SAMD12: variants seen among roughly 807,000 people sequenced by gnomAD.
SAMD12 encodes sterile alpha motif domain-containing protein 12.
SAMD12 carries 9 observed loss-of-function variants against 15.0 expected under a neutral mutation model. The observed-to-expected ratio is 0.60, with a 90% CI of 0.36 to 1.05. The LOEUF (loss-of-function observed/expected upper bound fraction) is 1.05, where lower values mean the gene tolerates loss of function less well. Ranked by LOEUF, SAMD12 falls within the 50% of genes least tolerant of loss-of-function variation. The pLI is 0.01. For synonymous variants in SAMD12, 86 were observed against 90.1 expected, an observed-to-expected ratio of 0.96 and a Z score of 0.25; for missense variants, 230 against 234.2, an observed-to-expected ratio of 0.98 and a Z score of 0.12.
the SAMD12 span, among the ~76,000 whole-genome samples, chr8:118,148,449 T>C: frequency 6.6e-6 from 1 of 152,222 alleles, no homozygotes; most frequent in Non-Finnish European, 1.5e-5. Context: ...TTAACAAATA[T>C]ATATGTTATG....
At chr8:118,367,124 A>G (rs535401872) in intron 4 of SAMD12, among the ~76,000 whole-genome samples, 1 of 151,966 alleles carries the variant, frequency 6.6e-6, no homozygotes, top group Non-Finnish European at 1.5e-5. Flanking sequence ...TTGAACATCT[A>G]CACTGTACAG....
chr8:118,133,678 A>G, the SAMD12 span, among the ~76,000 whole-genome samples: 359 of 152,318 alleles, frequency 2.4e-3, no homozygotes, highest in Admixed American at 3.7e-3. Flanking sequence ...CATGTCAGGT[A>G]GAAGAACTGA....
At chr8:118,209,910 C>A (rs1305734535) in intron 4 of SAMD12, among the ~76,000 whole-genome samples, 2 of 152,140 alleles carry the variant, frequency 1.3e-5, no homozygotes, top group East Asian at 1.9e-4. Flanking sequence ...GAGCCAAGAC[C>A]CCCCTACCTT....
At chr8:118,572,500 G>A (rs1157418146) in intron 2 of SAMD12, among the ~76,000 whole-genome samples, 2 of 152,146 alleles carry the variant, frequency 1.3e-5, no homozygotes, top group African/African-American at 2.4e-5. Flanking sequence ...ATTCCCATGT[G>A]TTGCAGGAGG....
chr8:118,236,265 G>A (rs746044612), intron 4 of SAMD12, among the ~76,000 whole-genome samples: 7 of 152,170 alleles, frequency 4.6e-5, no homozygotes, highest in Non-Finnish European at 7.3e-5. Flanking sequence ...TGAAGACTGA[G>A]GAAGTCAGCA....
rs760916006 is a variant in SAMD12, at chr8:118,379,280, T to C, written c.*137A>G. The C allele has an allele frequency of 1.8e-4, 257 of 1,445,792 alleles. No homozygotes were observed. The highest frequency in any genetic ancestry group is 2.3e-4 in the Non-Finnish European group (250 of 1,103,580). 89.6% of individuals were successfully genotyped at this position (1,445,792 alleles called of 1,614,324 possible). ...TGATGTGACTGGTATTCTCTGGGGT[T>C]GTGCAGTACACAATCCATACAACTG... On this transcript the variant is annotated 3_prime_UTR_variant, in exon 4 of 4. Coordinates refer to ENST00000314727, the MANE Select transcript of SAMD12 (RefSeq NM_207506.3).
At chr8:118,440,687 C>A (rs929331024) in intron 2 of SAMD12, among the ~76,000 whole-genome samples, 5 of 143,784 alleles carry the variant, frequency 3.5e-5, no homozygotes, top group Admixed American at 2.7e-4. Context: ...CACACACACA[C>A]ACACACACAA....
intron 4 of SAMD12, among the ~76,000 whole-genome samples, chr8:118,238,139 T>C (rs1232062242): frequency 1.3e-5 from 2 of 152,130 alleles, no homozygotes; most frequent in Admixed American, 6.6e-5. Flanking sequence ...TAAGCTTCTG[T>C]TTCCTCATCT....
At chr8:118,257,365 C>A (rs1812971409) in intron 4 of SAMD12, among the ~76,000 whole-genome samples, 1 of 152,092 alleles carries the variant, frequency 6.6e-6, no homozygotes, top group African/African-American at 2.4e-5. Flanking sequence ...GCTGAGACGG[C>A]AGAATCCAAG....
chr8:118,291,502 TC>T (rs773452791), intron 4 of SAMD12, among the ~76,000 whole-genome samples: 2 of 152,052 alleles, frequency 1.3e-5, no homozygotes, highest in African/African-American at 4.8e-5. Flanking sequence ...AACACAGAAT[TC>T]CCCTTATGGT....
chr8:118,537,289 C>G (rs568779241), intron 2 of SAMD12, among the ~76,000 whole-genome samples: 1 of 151,960 alleles, frequency 6.6e-6, no homozygotes, highest in Non-Finnish European at 1.5e-5. Context: ...GTTCTATAAC[C>G]TTCTTGTACT....
intron 2 of SAMD12, among the ~76,000 whole-genome samples, chr8:118,473,393 T>C (rs958106370): frequency 6.6e-6 from 1 of 152,202 alleles, no homozygotes; most frequent in Non-Finnish European, 1.5e-5. Context: ...AAATGTTCTG[T>C]GCACTCCTTC....
chr8:118,262,100 A>G (rs1813091742), intron 4 of SAMD12, among the ~76,000 whole-genome samples: 1 of 152,040 alleles, frequency 6.6e-6, no homozygotes, highest in Admixed American at 6.6e-5. Context: ...CAGTGTACTG[A>G]CTCAGAAGTC....
intron 3 of SAMD12, among the ~76,000 whole-genome samples, chr8:118,379,972 A>G (rs1322703640): frequency 2.6e-5 from 4 of 152,174 alleles, no homozygotes; most frequent in African/African-American, 9.7e-5. Flanking sequence ...TCATACATTC[A>G]GTTAGATAAA....
At position 118,243,405 on chromosome 8, in the gene SAMD12, C is replaced by G. The variant is rs1174141407; in HGVS notation, c.434-45673G>C. 1.7e-4 allele frequency among the ~76,000 whole-genome samples: 26 copies of G among 152,068 alleles called. 1 individual carries two copies. The highest frequency in any genetic ancestry group is 2.9e-5 in the Non-Finnish European group (2 of 67,994). Reference sequence around the variant, plus strand: ...GCCATGAATCAAGTAGCACTGCTAACTCAACTCTGTGCACCTGAGATGCAA... The same window carrying G: ...GCCATGAATCAAGTAGCACTGCTAAGTCAACTCTGTGCACCTGAGATGCAA... On this transcript the variant is annotated intron_variant, in intron 4 of 4. Coordinates refer to the SAMD12 transcript ENST00000409003.
intron 4 of SAMD12, among the ~76,000 whole-genome samples, chr8:118,211,157 C>G (rs1031148488): frequency 4.6e-5 from 7 of 152,156 alleles, no homozygotes; most frequent in African/African-American, 1.7e-4. Flanking sequence ...TCTGCCCAAG[C>G]CTTATCCCCC....
chr8:118,184,754 C>T (rs1819214625), downstream of SAMD12, among the ~76,000 whole-genome samples: 1 of 152,138 alleles, frequency 6.6e-6, no homozygotes, highest in Admixed American at 6.5e-5. Flanking sequence ...GCCTCAGGCT[C>T]CCAAAGTGCT....
chr8:118,322,684 G>C (rs760822613), intron 4 of SAMD12, among the ~76,000 whole-genome samples: 13 of 152,232 alleles, frequency 8.5e-5, no homozygotes, highest in Non-Finnish European at 1.6e-4. Flanking sequence ...AGTACACATG[G>C]TATCCATGGG....
chr8:118,309,354 G>A (rs536633508), intron 4 of SAMD12, among the ~76,000 whole-genome samples: 15 of 150,340 alleles, frequency 1.0e-4, no homozygotes, highest in African/African-American at 3.7e-4. Context: ...AGTATTCAAT[G>A]GTGTATATAT....
Sources: gnomAD v4.1 joint callset for allele counts (sites outside exome capture counted in the v4.1 genomes callset) on GRCh38, gnomAD v4.1.1 for gene constraint, MANE v1.5 for transcripts, NCBI Gene and HGNC (gene_info 2026-07-23, HGNC 2026-07-21) for gene names.